Variants in TRAF3 observed in about 807,000 individuals in gnomAD.
TRAF3 encodes TNF receptor associated factor 3, also known as TNF receptor-associated factor 3.
TRAF3 carries 13 observed loss-of-function variants against 62.3 expected under a neutral mutation model. That is an observed-to-expected ratio of 0.21 (90% CI 0.14 to 0.33). The LOEUF (loss-of-function observed/expected upper bound fraction) is 0.33. Among genes scored for constraint, TRAF3 ranks in the 10% least tolerant of loss-of-function variants. TRAF3 has a pLI of 1.00. For missense variants in TRAF3, 440 were observed against 741.8 expected (o/e 0.59, Z 4.73); for synonymous variants, 269 against 283.4 (o/e 0.95, Z 0.51).
At chr14:102,796,559 C>G (rs1898099212) in intron 1 of TRAF3, among the ~76,000 whole-genome samples, 1 of 152,236 alleles carries the variant, frequency 6.6e-6, no homozygotes, top group African/African-American at 2.4e-5. Flanking sequence ...GCCTTGGCGA[C>G]TGAACCGCCA....
chr14:102,828,044 C>T (rs1900429946), intron 1 of TRAF3, among the ~76,000 whole-genome samples: 1 of 152,264 alleles, frequency 6.6e-6, no homozygotes. Context: ...ACAGCGCACT[C>T]GTTTCCGCAT....
At chr14:102,785,580 C>G (rs1442670699) in intron 1 of TRAF3, among the ~76,000 whole-genome samples, 2 of 152,204 alleles carry the variant, frequency 1.3e-5, no homozygotes, top group Non-Finnish European at 2.9e-5. Context: ...AGGCTAGTAC[C>G]TATTCATCTT....
At chr14:102,794,339 T>C (rs1296136763) in intron 1 of TRAF3, among the ~76,000 whole-genome samples, 5 of 152,184 alleles carry the variant, frequency 3.3e-5, no homozygotes, top group African/African-American at 1.2e-4. Flanking sequence ...CTTGCATGGC[T>C]AATTTCTTAG....
At chr14:102,789,842 C>A (rs1479240075) in intron 1 of TRAF3, among the ~76,000 whole-genome samples, 1 of 150,674 alleles carries the variant, frequency 6.6e-6, no homozygotes, top group African/African-American at 2.4e-5. Context: ...TTTTTTGAGA[C>A]CGAGTCTCCT....
chr14:102,822,688 A>G (rs1202835909), intron 1 of TRAF3, among the ~76,000 whole-genome samples: 1 of 152,212 alleles, frequency 6.6e-6, no homozygotes, highest in African/African-American at 2.4e-5. Context: ...GTGAGTCGAC[A>G]TGATTCTCTT....
At chr14:102,801,752 C>T (rs1898429456) in intron 1 of TRAF3, among the ~76,000 whole-genome samples, 1 of 152,002 alleles carries the variant, frequency 6.6e-6, no homozygotes, top group Non-Finnish European at 1.5e-5. Context: ...GCTGCAGTGG[C>T]TCACATCTGT....
chr14:102,908,208 G>A lies in TRAF3; in HGVS notation c.*2424G>A, dbSNP rs1284794605. On this transcript the variant is annotated 3_prime_UTR_variant, in exon 12 of 12. Coordinates refer to ENST00000392745, the MANE Select transcript of TRAF3 (RefSeq NM_145725.3). Reference sequence around the variant, plus strand: ...CCCTTCCCAGGCAGACGCTCCTGGCGGGACGCCATGGGGCCCACCTGAGGG... The same window carrying A: ...CCCTTCCCAGGCAGACGCTCCTGGCAGGACGCCATGGGGCCCACCTGAGGG... 3 of 152,284 alleles carry A rather than the reference G, an allele frequency of 2.0e-5. No individual in the cohort carries two copies. The highest frequency in any genetic ancestry group is 3.9e-4 in the East Asian group (2 of 5,194). The allele number at this position is 152,284 out of a possible 1,614,324, so 9.4% of individuals were successfully genotyped here. A position where few individuals can be genotyped will look rare whatever the true frequency, so the allele number is the denominator to read the frequency against.
chr14:102,861,361 C>T (rs985451525), intron 2 of TRAF3, among the ~76,000 whole-genome samples: 1 of 152,174 alleles, frequency 6.6e-6, no homozygotes, highest in Non-Finnish European at 1.5e-5. Flanking sequence ...GGGCCTCCAA[C>T]CCCCTAAATT....
At chr14:102,821,038 T>C (rs76296974) in intron 1 of TRAF3, among the ~76,000 whole-genome samples, 3,999 of 152,208 alleles carry the variant, frequency 0.026, 67 homozygotes, top group Non-Finnish European at 0.037. Context: ...CTACTAAATA[T>C]GCATATCTCA....
chr14:102,792,698 T>C (rs1296499955), intron 1 of TRAF3, among the ~76,000 whole-genome samples: 6 of 152,164 alleles, frequency 3.9e-5, no homozygotes, highest in Non-Finnish European at 7.3e-5. Context: ...TTGTTTTGTA[T>C]GTTGAATCAC....
chr14:102,821,625 T>C (rs1899991699), intron 1 of TRAF3, among the ~76,000 whole-genome samples: 1 of 152,236 alleles, frequency 6.6e-6, no homozygotes, highest in Non-Finnish European at 1.5e-5. Context: ...AGATGTATTA[T>C]GTTTATGGAA....
chr14:102,792,928 G>A (rs1429922727), intron 1 of TRAF3, among the ~76,000 whole-genome samples: 1 of 151,778 alleles, frequency 6.6e-6, no homozygotes, highest in African/African-American at 2.4e-5. Context: ...TGCAACCTCA[G>A]CCTCCCCAGT....
At position 102,903,051 on chromosome 14, in the gene TRAF3, C is replaced by T. The variant is rs1368312918; in HGVS notation, c.961-204C>T. The T allele has an allele frequency of 4.3e-6, 3 of 697,048 alleles. No homozygotes were observed. The highest frequency in any genetic ancestry group is 1.8e-5 in the African/African-American group (1 of 56,590). 43.2% of individuals were successfully genotyped at this position (697,048 alleles called of 1,614,324 possible). A position where few individuals can be genotyped will look rare whatever the true frequency, so the allele number is the denominator to read the frequency against. ...GGCTTCATGTCACCTCGAGTGCTCCCTGCCGGCACAAGCACTTGATCCCAG... is the reference window on the plus strand; with the variant it reads ...GGCTTCATGTCACCTCGAGTGCTCCTTGCCGGCACAAGCACTTGATCCCAG... On this transcript the variant is annotated intron_variant, in intron 10 of 11. Transcript: ENST00000392745. This position sits in a 1 kb window ranked among gnomAD's most constrained non-coding sequence, Gnocchi z 6.4.
chr14:102,905,420 G>C lies in TRAF3; in HGVS notation c.1343G>C (p.Gly448Ala). The C allele has an allele frequency of 6.2e-7, 1 of 1,614,236 alleles. No homozygotes were observed. The highest frequency in any genetic ancestry group is 1.7e-5 in the Admixed American group (1 of 60,032). ...CTTTACAGCCAGCCTTTCTACACTG[G>C]TTACTTTGGCTATAAGATGTGTGCC... ...LSLYSQPFYT[G>A]YFGYKMCARV... Residue 448 changes from glycine to alanine, a missense_variant, in exon 12 of 12, where the codon GGT (glycine) becomes GCT (alanine). Physicochemically the swap from Gly to Ala is moderately conservative, Grantham distance 60. This residue lies in a region of TRAF3 where 42 missense variants were observed against 86.1 expected (regional missense o/e 0.49). Transcript: ENST00000392745.
At chr14:102,886,695 G>C (rs1286747366) in intron 7 of TRAF3, among the ~76,000 whole-genome samples, 2 of 152,020 alleles carry the variant, frequency 1.3e-5, no homozygotes, top group East Asian at 3.9e-4. Context: ...GGCGGAGGTT[G>C]AACAGAGCCG....
chr14:102,799,680 C>T (rs1269771469), intron 1 of TRAF3, among the ~76,000 whole-genome samples: 1 of 152,114 alleles, frequency 6.6e-6, no homozygotes, highest in Admixed American at 6.6e-5. Context: ...TGAACTCTTG[C>T]CCTCAAAGGA....
intron 2 of TRAF3, among the ~76,000 whole-genome samples, chr14:102,837,213 G>A (rs1306319624): frequency 1.3e-5 from 2 of 150,866 alleles, no homozygotes; most frequent in Non-Finnish European, 2.9e-5. Flanking sequence ...ATGACAGCTC[G>A]CTATAGCCTC....
intron 1 of TRAF3, among the ~76,000 whole-genome samples, chr14:102,797,847 C>T (rs1466420964): frequency 2.0e-5 from 3 of 151,748 alleles, no homozygotes; most frequent in African/African-American, 7.3e-5. Flanking sequence ...AAGCGATTCT[C>T]CCGCCTCAGC....
At chr14:102,786,684 T>C (rs1034749807) in intron 1 of TRAF3, among the ~76,000 whole-genome samples, 1 of 148,294 alleles carries the variant, frequency 6.7e-6, no homozygotes, top group African/African-American at 2.5e-5. Context: ...TAAAACTGTC[T>C]AAAAAAAAAA....
Sources: gnomAD v4.1 joint callset for allele counts (sites outside exome capture counted in the v4.1 genomes callset) on GRCh38, gnomAD v4.1.1 for gene constraint, gnomAD v4.1.1 regional missense constraint, Gnocchi (gnomAD v3.1) non-coding constraint, MANE v1.5 for transcripts, NCBI Gene and HGNC (gene_info 2026-07-23, HGNC 2026-07-21) for gene names.